NAALADL2: variants seen among roughly 807,000 people sequenced by gnomAD.
NAALADL2 encodes the protein inactive N-acetylated-alpha-linked acidic dipeptidase-like protein 2.
A neutral mutation model predicts 87.2 loss-of-function variants in NAALADL2; 76 were observed. The observed-to-expected ratio is 0.87, with a 90% confidence interval of 0.72 to 1.05. The LOEUF (loss-of-function observed/expected upper bound fraction) is 1.05, where lower values mean the gene tolerates loss of function less well. NAALADL2 is among the 50% of genes least tolerant of loss of function. The probability of loss-of-function intolerance (pLI) is 0.00; values close to 1 mark genes in which losing one functional copy is unlikely to be tolerated. For missense variants in NAALADL2, 1,089 were observed against 945.8 expected, an observed-to-expected ratio of 1.15 and a Z score of -1.99; for synonymous variants, 354 against 331.0, an observed-to-expected ratio of 1.07 and a Z score of -0.75.
At chr3:174,628,579 T>A (rs1432132159) in intron 2 of NAALADL2, among the ~76,000 whole-genome samples, 5 of 152,118 alleles carry the variant, frequency 3.3e-5, no homozygotes, top group Non-Finnish European at 5.9e-5. Flanking sequence ...AAGTTCACAT[T>A]GCTGGATTTC....
chr3:175,010,357 A>G (rs1242670210), intron 1 of NAALADL2, among the ~76,000 whole-genome samples: 2 of 152,230 alleles, frequency 1.3e-5, no homozygotes, highest in Admixed American at 1.3e-4. Context: ...ACACTGGGAA[A>G]TATTTTGCTT....
chr3:175,336,436 T>C (rs1761976205), intron 5 of NAALADL2, among the ~76,000 whole-genome samples: 1 of 152,186 alleles, frequency 6.6e-6, no homozygotes, highest in African/African-American at 2.4e-5. Flanking sequence ...GCCTTCCTGC[T>C]ACGAATCCTT....
chr3:174,642,918 G>A (rs146040628), intron 2 of NAALADL2, among the ~76,000 whole-genome samples: 13 of 151,946 alleles, frequency 8.6e-5, no homozygotes, highest in Non-Finnish European at 1.5e-4. Context: ...GCGTAGCTGG[G>A]ACTATAGGCA....
intron 2 of NAALADL2, among the ~76,000 whole-genome samples, chr3:175,098,742 T>C (rs1721599777): frequency 6.6e-6 from 1 of 152,176 alleles, no homozygotes; most frequent in African/African-American, 2.4e-5. Flanking sequence ...AGGATGTTAT[T>C]AGAAAACAAA....
At chr3:174,860,535 A>G (rs981105368) in intron 1 of NAALADL2, among the ~76,000 whole-genome samples, 6 of 152,010 alleles carry the variant, frequency 3.9e-5, no homozygotes, top group Admixed American at 3.9e-4. Flanking sequence ...CATATTCCTT[A>G]TTTGTCTCTA....
chr3:174,738,934 T>G (rs547687645), intron 3 of NAALADL2, among the ~76,000 whole-genome samples: 7 of 152,288 alleles, frequency 4.6e-5, no homozygotes, highest in Admixed American at 3.3e-4. Flanking sequence ...AAAAATTATT[T>G]ATCTAGAATG....
intron 1 of NAALADL2, among the ~76,000 whole-genome samples, chr3:174,536,275 G>C (rs1450458015): frequency 6.6e-6 from 1 of 151,918 alleles, no homozygotes; most frequent in Non-Finnish European, 1.5e-5. Context: ...AAAGATAAGG[G>C]GAAAATAAAC....
intron 1 of NAALADL2, among the ~76,000 whole-genome samples, chr3:174,896,203 T>G (rs747019237): frequency 1.2e-4 from 18 of 151,928 alleles, no homozygotes; most frequent in Non-Finnish European, 2.4e-4. Flanking sequence ...AGAGAAAAAT[T>G]TAAAGGACAT....
rs993097700 is a variant in NAALADL2 at position 174,800,393 on chromosome 3, C to T, written c.-9+62647C>T. Among the ~76,000 whole-genome samples the T allele has an allele frequency of 2.0e-5, 3 of 152,188 alleles. No homozygotes were observed. In the East Asian group the frequency reaches 5.8e-4, roughly 29 times the overall value. On this transcript the variant is annotated intron_variant, in intron 3 of 3. Transcript: ENST00000434257. ...GCTTTATAGGGTGGAAGCACCAAGC[C>T]TTGGCAGCTTCCATGTGGTGTTGAG...
At chr3:175,107,295 C>A (rs1723334913) in intron 2 of NAALADL2, among the ~76,000 whole-genome samples, 2 of 151,912 alleles carry the variant, frequency 1.3e-5, no homozygotes, top group Admixed American at 1.3e-4. Context: ...CTCATCCAAT[C>A]CATTGCAAGC....
intron 1 of NAALADL2, among the ~76,000 whole-genome samples, chr3:174,958,207 T>C (rs1048311100): frequency 1.3e-4 from 19 of 151,264 alleles, no homozygotes; most frequent in African/African-American, 4.3e-4. Flanking sequence ...CTAATCAATT[T>C]ATATATATAA....
intron 2 of NAALADL2, among the ~76,000 whole-genome samples, chr3:175,193,892 C>T (rs956999404): frequency 6.6e-6 from 1 of 150,750 alleles, no homozygotes; most frequent in Admixed American, 6.7e-5. Flanking sequence ...GTTGCTATTT[C>T]ATGAAACTTA....
intron 2 of NAALADL2, among the ~76,000 whole-genome samples, chr3:175,222,326 A>G (rs1743510554): frequency 6.6e-6 from 1 of 152,176 alleles, no homozygotes. Flanking sequence ...TTGTGCTTTC[A>G]TGAACTAGAT....
intron 5 of NAALADL2, among the ~76,000 whole-genome samples, chr3:175,328,008 T>C (rs1169265772): frequency 6.6e-6 from 1 of 152,198 alleles, no homozygotes; most frequent in Non-Finnish European, 1.5e-5. Flanking sequence ...ACACCTGCAG[T>C]TTTGTGAGAA....
Position 175,463,416 on chromosome 3 carries a change from G to A in NAALADL2, c.1250G>A (p.Ser417Asn), listed in dbSNP as rs765443531. 1 of 1,587,518 alleles carries A rather than the reference G, an allele frequency of 6.3e-7. No individual in the cohort carries two copies. ...ELPNNEIRVVSMQVQTVTKLK... is the reference protein window; with the variant it reads ...ELPNNEIRVVNMQVQTVTKLK... Reference sequence around the variant, plus strand: ...ATTTTTTCAGAAATAAGAGTCGTCAGCATGCAAGTTCAGACAGTCACAAAA... The same window carrying A: ...ATTTTTTCAGAAATAAGAGTCGTCAACATGCAAGTTCAGACAGTCACAAAA... Residue 417 changes from serine (S) to asparagine (N), a missense_variant, in exon 7 of 14, where the codon AGC (serine) becomes AAC (asparagine). Ser to Asn is a conservative substitution (Grantham distance 46). Transcript: ENST00000454872.
chr3:175,402,392 C>T (rs567203590), intron 5 of NAALADL2, among the ~76,000 whole-genome samples: 1 of 152,112 alleles, frequency 6.6e-6, no homozygotes, highest in Non-Finnish European at 1.5e-5. Context: ...ATAACTGGGT[C>T]TCCTTCAATC....
chr3:175,268,153 G>A (rs1188671589), intron 4 of NAALADL2, among the ~76,000 whole-genome samples: 1 of 152,098 alleles, frequency 6.6e-6, no homozygotes, highest in African/African-American at 2.4e-5. Context: ...ATCATGGAGT[G>A]TACTTAGACA....
chr3:174,926,826 T>G (rs1256081139), intron 1 of NAALADL2, among the ~76,000 whole-genome samples: 4 of 152,070 alleles, frequency 2.6e-5, no homozygotes, highest in Non-Finnish European at 5.9e-5. Context: ...GCTAACATCA[T>G]AATGACAGGA....
Position 175,525,493 on chromosome 3 carries a change from G to A in NAALADL2, c.1654-50548G>A, listed in dbSNP as rs368018788. 5.9e-5 allele frequency among the ~76,000 whole-genome samples: 9 copies of A among 152,154 alleles called. No individual in the cohort carries two copies. In the East Asian group the frequency reaches 1.5e-3, roughly 26 times the overall value. Reference sequence around the variant, plus strand: ...ACTTATTAATGAGTACACATTTAACGATCAAAGCATTTAAAACTAAAAAGT... The same window carrying A: ...ACTTATTAATGAGTACACATTTAACAATCAAAGCATTTAAAACTAAAAAGT... On this transcript the variant is annotated intron_variant, in intron 9 of 13. Coordinates refer to ENST00000454872, the MANE Select transcript of NAALADL2 (RefSeq NM_207015.3).
Sources: allele counts gnomAD v4.1 joint callset (sites outside exome capture counted in the v4.1 genomes callset), GRCh38; gene constraint gnomAD v4.1.1; transcripts MANE v1.5; gene names NCBI Gene and HGNC (gene_info 2026-07-23, HGNC 2026-07-21).